The following SLIT2 variants were observed in gnomAD, a reference collection of about 807,000 sequenced individuals.
SLIT2 encodes slit guidance ligand 2.
Under a neutral mutation model 185.7 loss-of-function variants are expected in SLIT2, and 41 were observed. That is an observed-to-expected ratio of 0.22 (90% CI 0.17 to 0.29). SLIT2 has a LOEUF of 0.29. SLIT2 is among the 10% of genes least tolerant of loss of function. The pLI is 1.00. For synonymous variants in SLIT2, 693 were observed against 680.2 expected, an observed-to-expected ratio of 1.02 and a Z score of -0.29; for missense variants, 1,571 against 1,909.0, an observed-to-expected ratio of 0.82 and a Z score of 3.30.
intron 4 of SLIT2, among the ~76,000 whole-genome samples, chr4:20,447,434 C>A (rs1711937470): frequency 6.6e-6 from 1 of 152,144 alleles, no homozygotes; most frequent in Non-Finnish European, 1.5e-5. Context: ...GCAGGAGTAG[C>A]TTTATTTCAA....
intron 4 of SLIT2, among the ~76,000 whole-genome samples, chr4:20,380,669 TAAG>T (rs960712217): frequency 7.9e-5 from 12 of 151,664 alleles, no homozygotes; most frequent in African/African-American, 2.2e-4. Context: ...GATAAACACT[TAAG>T]AAGAAAAAGT....
intron 29 of SLIT2, among the ~76,000 whole-genome samples, chr4:20,576,830 A>G (rs1726121350): frequency 6.6e-6 from 1 of 152,168 alleles, no homozygotes; most frequent in Non-Finnish European, 1.5e-5. Context: ...ATTCAATCTA[A>G]TTTGAATTTA....
rs1577465366 is a variant in SLIT2 at position 20,341,967 on chromosome 4, T to G, written c.395+73086T>G. ...ACATGGTTAACTTCCTAGAGTTTGT[T>G]CTTTTCTGGTAGTCAAAATCTATGA... On this transcript the variant is annotated intron_variant, in intron 4 of 36. Coordinates refer to ENST00000504154, the MANE Select transcript of SLIT2 (RefSeq NM_004787.4). Among the ~76,000 whole-genome samples the G allele has an allele frequency of 2.0e-5, 3 of 152,312 alleles. No homozygotes were observed. In the Middle Eastern group the frequency reaches 0.01, roughly 518 times the overall value.
intron 4 of SLIT2, among the ~76,000 whole-genome samples, chr4:20,328,125 G>T (rs1190542037): frequency 2.6e-5 from 4 of 152,004 alleles, no homozygotes; most frequent in African/African-American, 9.7e-5. Context: ...AAGGTTATTG[G>T]TCAAGTTAGA....
chr4:20,486,352 C>A, intron 7 of SLIT2, 81 bp downstream of exon 7: 1 of 816,580 alleles, frequency 1.2e-6, no homozygotes, highest in Non-Finnish European at 2.1e-6. Flanking sequence ...AAGCAAAGGA[C>A]AGGACCACTG....
At chr4:20,518,828 G>A (rs1720553502) in intron 11 of SLIT2, among the ~76,000 whole-genome samples, 1 of 147,622 alleles carries the variant, frequency 6.8e-6, no homozygotes, top group African/African-American at 2.5e-5. Context: ...GGATGGTCTC[G>A]ATCTCCTGAC....
At chr4:20,521,435 A>G (rs1192371211) in intron 12 of SLIT2, among the ~76,000 whole-genome samples, 1 of 152,236 alleles carries the variant, frequency 6.6e-6, no homozygotes, top group Non-Finnish European at 1.5e-5. Context: ...ATATTTATTT[A>G]CTGTTCCTTG....
At chr4:20,365,253 G>C (rs748596084) in intron 4 of SLIT2, among the ~76,000 whole-genome samples, 19 of 152,116 alleles carry the variant, frequency 1.2e-4, no homozygotes, top group Non-Finnish European at 2.4e-4. Context: ...TCATATAACA[G>C]AACATACAAC....
intron 4 of SLIT2, among the ~76,000 whole-genome samples, chr4:20,426,053 T>G (rs1438429630): frequency 6.6e-6 from 1 of 152,220 alleles, no homozygotes; most frequent in East Asian, 1.9e-4. Flanking sequence ...AGTGTTTTGC[T>G]CAGTGCTCCC....
At chr4:20,441,501 TC>T (rs1560425674) in intron 4 of SLIT2, among the ~76,000 whole-genome samples, 43 of 134,758 alleles carry the variant, frequency 3.2e-4, no homozygotes, top group Non-Finnish European at 5.7e-4. Context: ...TCTCTCTCTC[TC>T]GCCCCCCCCC....
chr4:20,579,016 G>T lies in SLIT2; in HGVS notation c.3088+10012G>T, dbSNP rs117913895. Among the ~76,000 whole-genome samples the T allele has an allele frequency of 2.1e-3, 313 of 152,100 alleles. 10 individuals are homozygous for T. The East Asian group carries it at 0.05, about 24-fold the overall frequency. ...GAAAGCAATTAATAGTCCAGCCAAG[G>T]TGGGCACAGTAGCTCATGCCTATAA... On this transcript the variant is annotated intron_variant, in intron 29 of 36. Transcript: ENST00000504154.
chr4:20,443,330 T>G (rs751068589), intron 4 of SLIT2, among the ~76,000 whole-genome samples: 8 of 152,122 alleles, frequency 5.3e-5, no homozygotes, highest in Non-Finnish European at 1.0e-4. Flanking sequence ...AGCTAACTTC[T>G]TGGAACAGGC....
intron 4 of SLIT2, among the ~76,000 whole-genome samples, chr4:20,384,853 G>A (rs1314507944): frequency 6.6e-6 from 1 of 152,148 alleles, no homozygotes; most frequent in Non-Finnish European, 1.5e-5. Flanking sequence ...GTTAAAATAT[G>A]TAAGCTGAAA....
intron 25 of SLIT2, among the ~76,000 whole-genome samples, chr4:20,552,953 T>C (rs918999785): frequency 6.6e-6 from 1 of 152,198 alleles, no homozygotes; most frequent in African/African-American, 2.4e-5. Flanking sequence ...TAAAATGAAG[T>C]AATTCTTATA....
intron 4 of SLIT2, among the ~76,000 whole-genome samples, chr4:20,424,200 C>G (rs1728376160): frequency 6.6e-6 from 1 of 152,090 alleles, no homozygotes; most frequent in African/African-American, 2.4e-5. Context: ...TACAAACTAA[C>G]CATAAAACAC....
intron 5 of SLIT2, among the ~76,000 whole-genome samples, chr4:20,475,255 A>G (rs1715968481): frequency 6.6e-6 from 1 of 151,634 alleles, no homozygotes; most frequent in Non-Finnish European, 1.5e-5. Flanking sequence ...TCCATAGGAA[A>G]TACCCACTTT....
chr4:20,589,535 T>A (rs1727333811), intron 29 of SLIT2, 109 bp from the exon 30 acceptor site: 1 of 831,902 alleles, frequency 1.2e-6, no homozygotes. Context: ...TTGTTTTGTT[T>A]TAAATCACAA....
intron 4 of SLIT2, among the ~76,000 whole-genome samples, chr4:20,406,203 T>C (rs1022061296): frequency 1.4e-5 from 2 of 144,504 alleles, no homozygotes; most frequent in South Asian, 2.4e-4. Flanking sequence ...CAAACAATAA[T>C]ATTTCTTGCA....
intron 18 of SLIT2, among the ~76,000 whole-genome samples, chr4:20,537,424 G>T (rs1475560647): frequency 2.6e-5 from 4 of 152,068 alleles, no homozygotes; most frequent in South Asian, 2.1e-4. Context: ...AGTCACATTT[G>T]GGGGTTAGGG....
Sources: allele counts gnomAD v4.1 joint callset (sites outside exome capture counted in the v4.1 genomes callset), GRCh38; gene constraint gnomAD v4.1.1; transcripts MANE v1.5; gene names NCBI Gene and HGNC (gene_info 2026-07-23, HGNC 2026-07-21).